Variants in AOAH observed in about 807,000 individuals in gnomAD.
AOAH encodes acyloxyacyl hydrolase (neutrophil).
AOAH carries 64 observed loss-of-function variants against 92.2 expected under a neutral mutation model. The observed-to-expected ratio is 0.69, with a 90% confidence interval of 0.57 to 0.86. The LOEUF is 0.86. Among genes scored for constraint, AOAH ranks in the 40% least tolerant of loss-of-function variants. AOAH has a pLI of 0.00. For synonymous variants in AOAH, 263 were observed against 254.5 expected, an observed-to-expected ratio of 1.03 and a Z score of -0.32; for missense variants, 656 against 694.6, an observed-to-expected ratio of 0.94 and a Z score of 0.62.
intron 3 of AOAH, among the ~76,000 whole-genome samples, chr7:36,665,218 TAA>T (rs1381750934): frequency 1.3e-5 from 2 of 152,212 alleles, no homozygotes; most frequent in African/African-American, 4.8e-5. Context: ...TTTATTTCAA[TAA>T]AGTGTTGTAG....
chr7:36,618,669 C>G (rs1792072195), intron 9 of AOAH, among the ~76,000 whole-genome samples: 1 of 152,168 alleles, frequency 6.6e-6, no homozygotes, highest in Non-Finnish European at 1.5e-5. Context: ...GACACAGGGT[C>G]TGGGCGGATT....
At position 36,520,374 on chromosome 7, in the gene AOAH, T is replaced by C. The variant is rs368295419; in HGVS notation, c.1599+1665A>G. Among the ~76,000 whole-genome samples, 8 of 152,340 alleles carry C rather than the reference T, an allele frequency of 5.3e-5. No homozygotes were observed. In the East Asian group the frequency reaches 9.7e-4, roughly 18 times the overall value. On this transcript the variant is annotated intron_variant, in intron 20 of 20. Coordinates refer to ENST00000617537, the MANE Select transcript of AOAH (RefSeq NM_001637.4). ...GAATCAGAAGGGTAAGATGCTATTC[T>C]GTGCAGAGAATGATAAGAACTAGTA...
chr7:36,532,839 C>A (rs1057247987), intron 16 of AOAH, among the ~76,000 whole-genome samples: 3 of 152,232 alleles, frequency 2.0e-5, no homozygotes, highest in African/African-American at 7.2e-5. Flanking sequence ...GAGGGCCTGG[C>A]AGGACATTCT....
At chr7:36,558,596 A>C (rs4504542) in intron 13 of AOAH, among the ~76,000 whole-genome samples, 1 of 152,258 alleles carries the variant, frequency 6.6e-6, no homozygotes, top group East Asian at 1.9e-4. Flanking sequence ...TACAGAGGCC[A>C]GCAGGCCTCC....
At chr7:36,716,761 GGA>G (rs1799205697) in intron 1 of AOAH, among the ~76,000 whole-genome samples, 1 of 150,718 alleles carries the variant, frequency 6.6e-6, no homozygotes, top group Non-Finnish European at 1.5e-5. Context: ...ATCATAGGTG[GGA>G]ATTGAACAAT....
At chr7:36,520,372 T>C (rs1242012239) in intron 20 of AOAH, among the ~76,000 whole-genome samples, 3 of 152,206 alleles carry the variant, frequency 2.0e-5, no homozygotes, top group African/African-American at 4.8e-5. Context: ...AAGATGCTAT[T>C]CTGTGCAGAG....
intron 19 of AOAH, among the ~76,000 whole-genome samples, chr7:36,528,859 C>T (rs1784533570): frequency 1.3e-5 from 2 of 152,212 alleles, no homozygotes; most frequent in African/African-American, 4.8e-5. Context: ...ATCTCAGCTT[C>T]ACAAACCATT....
At chr7:36,717,070 T>C (rs1430294055) in intron 1 of AOAH, among the ~76,000 whole-genome samples, 1 of 152,142 alleles carries the variant, frequency 6.6e-6, no homozygotes, top group Admixed American at 6.5e-5. Flanking sequence ...GGACATACTG[T>C]TCAGTGCTAA....
Position 36,516,437 on chromosome 7 carries a change from C to A in AOAH, c.1600-3057G>T, listed in dbSNP as rs4723535. ...CACCCCCACAGAAAGCACGCAGATA[C>A]CCCCCCCACACACACAGAAAGTGCA... On this transcript the variant is annotated intron_variant, in intron 20 of 20. Coordinates refer to ENST00000617537, the MANE Select transcript of AOAH (RefSeq NM_001637.4). This position sits in a 1 kb window ranked among gnomAD's most constrained non-coding sequence, Gnocchi z 5.0. 0.051 allele frequency among the ~76,000 whole-genome samples: 5,184 copies of A among 101,474 alleles called. 637 individuals carry two copies. The highest frequency in any genetic ancestry group is 0.16 in the South Asian group (404 of 2,502). The allele number at this position is 101,474 out of a possible 152,430, so 66.6% of individuals were successfully genotyped here. A position where few individuals can be genotyped will look rare whatever the true frequency, so the allele number is the denominator to read the frequency against.
chr7:36,621,787 T>C lies in AOAH; in HGVS notation c.583-7A>G. ...AGTGATAGCCCCGCAGTGTCTGAAA[T>C]TGAAGAGCACACACAGGAGGGGTTC... On this transcript the variant is annotated splice_polypyrimidine_tract_variant and splice_region_variant and intron_variant, in intron 7 of 20. Transcript: ENST00000617537. 2 of 1,614,050 alleles carry C rather than the reference T, an allele frequency of 1.2e-6. No homozygotes were observed. Among genetic ancestry groups the C allele is most frequent in the Non-Finnish European group, 8.5e-7 (1 of 1,179,940 alleles).
chr7:36,568,469 T>A (rs941879278), intron 13 of AOAH, among the ~76,000 whole-genome samples: 3 of 152,220 alleles, frequency 2.0e-5, no homozygotes, highest in African/African-American at 7.2e-5. Context: ...TTCCTCACTC[T>A]TGCAAGCCTT....
chr7:36,713,354 CTT>C (rs1156304721), intron 1 of AOAH, among the ~76,000 whole-genome samples: 1 of 152,038 alleles, frequency 6.6e-6, no homozygotes, highest in African/African-American at 2.4e-5. Context: ...TACAAAGAGA[CTT>C]AGACTCCCAC....
rs138260645 is a variant in AOAH, at chr7:36,553,082, T to C, written c.1022-3607A>G. Among the ~76,000 whole-genome samples, 1,168 of 151,024 alleles carry C rather than the reference T, an allele frequency of 7.7e-3. 13 individuals are homozygous for C. Among genetic ancestry groups the C allele is most frequent in the African/African-American group, 0.027 (1,123 of 41,228 alleles). On this transcript the variant is annotated intron_variant, in intron 13 of 20. Transcript: ENST00000617537. ...GCGCTGCACCCACTAACTCGTTATC[T>C]AGCATTAGGTATATCTCCCAATGCT...
intron 10 of AOAH, among the ~76,000 whole-genome samples, 155 bp downstream of exon 10, chr7:36,618,142 T>C (rs567654175): frequency 6.6e-6 from 1 of 152,368 alleles, no homozygotes; most frequent in South Asian, 2.1e-4. Context: ...CTTTATTTTT[T>C]CTGATCTGTC....
At chr7:36,548,382 C>T (rs916485613) in intron 15 of AOAH, among the ~76,000 whole-genome samples, 2 of 152,140 alleles carry the variant, frequency 1.3e-5, no homozygotes, top group Non-Finnish European at 2.9e-5. Context: ...GACGGGGTTT[C>T]ACCATGTTGG....
chr7:36,579,371 C>CA (rs1788759364), intron 12 of AOAH, among the ~76,000 whole-genome samples: 3 of 131,966 alleles, frequency 2.3e-5, no homozygotes, highest in African/African-American at 5.4e-5. Flanking sequence ...TCCTGAACCC[C>CA]GCCCCCCCCA....
In AOAH at chr7:36,517,232, C is replaced by T. The variant is rs76594288; in HGVS notation, c.1600-3852G>A. Reference sequence around the variant, plus strand: ...TTTCTTTCTCTTTCTTTCTGTCTCTCTCTCTCTCTCTCTTTCTTTCTGTGT... The same window carrying T: ...TTTCTTTCTCTTTCTTTCTGTCTCTTTCTCTCTCTCTCTTTCTTTCTGTGT... On this transcript the variant is annotated intron_variant, in intron 20 of 20. Transcript: ENST00000617537. Among the ~76,000 whole-genome samples the T allele has an allele frequency of 2.1e-3, 131 of 63,780 alleles. 1 individual carries two copies. The highest frequency in any genetic ancestry group is 4.8e-3 in the Admixed American group (23 of 4,800). 41.8% of individuals were successfully genotyped at this position (63,780 alleles called of 152,430 possible). A position where few individuals can be genotyped will look rare whatever the true frequency, so the allele number is the denominator to read the frequency against.
chr7:36,549,508 T>C, intron 13 of AOAH, 33 bp from the exon 14 acceptor site: 1 of 1,467,300 alleles, frequency 6.8e-7, no homozygotes, highest in East Asian at 2.3e-5. Flanking sequence ...ACAATTAAAG[T>C]TAGTGAGTTC....
Position 36,620,779 on chromosome 7 carries a change from A to G in AOAH, c.702+2T>C. 1 of 1,613,686 alleles carries G rather than the reference A, an allele frequency of 6.2e-7. No individual in the cohort carries two copies. Among genetic ancestry groups the G allele is most frequent in the Non-Finnish European group, 8.5e-7 (1 of 1,179,760 alleles). On this transcript the variant is annotated splice_donor_variant, in intron 9 of 20. Transcript: ENST00000617537. LOFTEE classifies it high-confidence loss of function. The stretch of plus-strand genomic sequence containing the variant: ...GGGTTCAAGCTGAATTTAGTTGCTT[A>G]CCCAAATGCCATTACAGTTTGAATC...
Sources: allele counts gnomAD v4.1 joint callset (sites outside exome capture counted in the v4.1 genomes callset), GRCh38; gene constraint gnomAD v4.1.1; non-coding constraint Gnocchi (gnomAD v3.1); transcripts MANE v1.5; gene names NCBI Gene and HGNC (gene_info 2026-07-23, HGNC 2026-07-21).